Variants in SPRED2 observed in about 807,000 individuals in gnomAD.
SPRED2 encodes the protein sprouty related EVH1 domain containing 2, also known as sprouty-related, EVH1 domain-containing protein 2.
Under a neutral mutation model 43.0 loss-of-function variants are expected in SPRED2, and 47 were observed. That is an observed-to-expected ratio of 1.09 (90% CI 0.87 to 1.40). SPRED2 has a LOEUF of 1.40. Among genes scored for constraint, SPRED2 ranks in the 40% most tolerant of loss-of-function variants. SPRED2 has a pLI of 0.00. For missense variants in SPRED2, 561 were observed against 586.4 expected, an observed-to-expected ratio of 0.96 and a Z score of 0.45; for synonymous variants, 225 against 225.7, an observed-to-expected ratio of 1.00 and a Z score of 0.03.
intron 1 of SPRED2, among the ~76,000 whole-genome samples, chr2:65,425,095 A>T (rs1410616100): frequency 1.3e-5 from 2 of 152,248 alleles, no homozygotes; most frequent in African/African-American, 4.8e-5. Context: ...AGGAATAAAT[A>T]ATGAAAATGA....
intron 1 of SPRED2, chr2:65,366,821 TCATTACTCA>T: frequency 8.1e-7 from 1 of 1,236,848 alleles, no homozygotes; most frequent in Non-Finnish European, 1.0e-6. Context: ...GCCTGTTGTG[TCATTACTCA>T]CATTCAACAT....
chr2:65,353,906 T>C (rs1317898149), intron 1 of SPRED2, among the ~76,000 whole-genome samples: 1 of 149,550 alleles, frequency 6.7e-6, no homozygotes, highest in Non-Finnish European at 1.5e-5. Context: ...GCAGACATCC[T>C]TGGGAGTGGA....
chr2:65,355,763 T>G (rs1312209801), intron 1 of SPRED2, among the ~76,000 whole-genome samples: 2 of 152,102 alleles, frequency 1.3e-5, no homozygotes, highest in Non-Finnish European at 2.9e-5. Context: ...ACTTCTGGAG[T>G]TCATAATTAA....
In SPRED2 at chr2:65,334,752, T is replaced by C. The variant is rs1434206180; in HGVS notation, c.226A>G (p.Arg76Gly). 8.1e-6 allele frequency: 13 copies of C among 1,614,230 alleles called. No individual in the cohort carries two copies. Among genetic ancestry groups the C allele is most frequent in the Non-Finnish European group, 8.5e-6 (10 of 1,180,042 alleles). Residue 76 changes from arginine (R) to glycine (G), a missense_variant, in exon 3 of 6, where the codon AGA becomes GGA. Transcript: ENST00000356388. ...GCTTTGGTGTAGACCAAGTCCTTTC[T>C]TACATAGCATTCCAATACCACCTGA... is the stretch of plus-strand genomic sequence containing the variant. ...DKLVVLECYV[R>G]KDLVYTKANP... is the part of the protein sequence containing the mutation.
At chr2:65,418,913 A>G (rs1051258631) in intron 1 of SPRED2, among the ~76,000 whole-genome samples, 2 of 152,156 alleles carry the variant, frequency 1.3e-5, no homozygotes, top group Non-Finnish European at 2.9e-5. Flanking sequence ...ATAAGTAAGA[A>G]TAAAAGTCTT....
At chr2:65,347,100 C>G (rs190429023) in intron 1 of SPRED2, among the ~76,000 whole-genome samples, 1 of 152,120 alleles carries the variant, frequency 6.6e-6, no homozygotes, top group Non-Finnish European at 1.5e-5. Flanking sequence ...CCGACCACCT[C>G]GTAAGTTTGC....
intron 1 of SPRED2, among the ~76,000 whole-genome samples, chr2:65,384,409 G>C (rs1675443927): frequency 1.3e-5 from 2 of 152,144 alleles, no homozygotes; most frequent in Non-Finnish European, 2.9e-5. Flanking sequence ...CATCTCCATA[G>C]GCAGGACCAG....
chr2:65,321,895 C>A (rs1470296628), intron 4 of SPRED2, among the ~76,000 whole-genome samples: 3 of 152,212 alleles, frequency 2.0e-5, no homozygotes, highest in East Asian at 1.9e-4. Context: ...GCCTCAGCCT[C>A]CCGAGTGGCT....
chr2:65,354,030 G>C (rs1674579426), intron 1 of SPRED2, among the ~76,000 whole-genome samples: 1 of 152,156 alleles, frequency 6.6e-6, no homozygotes, highest in Non-Finnish European at 1.5e-5. Flanking sequence ...CCAAAAAAAA[G>C]GAAATGAAGC....
chr2:65,403,589 A>G (rs1315444440), intron 1 of SPRED2, among the ~76,000 whole-genome samples: 1 of 152,212 alleles, frequency 6.6e-6, no homozygotes, highest in Non-Finnish European at 1.5e-5. Flanking sequence ...TTTACGACAC[A>G]AAGAAATCCT....
intron 1 of SPRED2, among the ~76,000 whole-genome samples, chr2:65,363,112 T>C (rs1159941328): frequency 7.0e-6 from 1 of 143,516 alleles, no homozygotes; most frequent in East Asian, 2.1e-4. Flanking sequence ...TGGTGGCACA[T>C]GCCTGTAATC....
intron 1 of SPRED2, among the ~76,000 whole-genome samples, chr2:65,381,426 T>C (rs1177482482): frequency 2.0e-5 from 3 of 152,248 alleles, no homozygotes; most frequent in Non-Finnish European, 2.9e-5. Flanking sequence ...AATTTCTAGC[T>C]TGGTCAACTT....
chr2:65,395,664 A>T (rs906456392), intron 1 of SPRED2, among the ~76,000 whole-genome samples: 1 of 152,224 alleles, frequency 6.6e-6, no homozygotes, highest in Non-Finnish European at 1.5e-5. Flanking sequence ...TATGGGTAGA[A>T]GTGGGCATCA....
At chr2:65,417,814 G>C (rs1046465690) in intron 1 of SPRED2, among the ~76,000 whole-genome samples, 1 of 152,200 alleles carries the variant, frequency 6.6e-6, no homozygotes, top group South Asian at 2.1e-4. Flanking sequence ...AGTTCTAAAA[G>C]GTTATGGTCA....
intron 1 of SPRED2, among the ~76,000 whole-genome samples, chr2:65,427,717 C>T (rs991824811): frequency 3.3e-5 from 5 of 152,200 alleles, no homozygotes; most frequent in Admixed American, 6.5e-5. Flanking sequence ...AAAATGATGG[C>T]AATGACAGAT....
intron 1 of SPRED2, among the ~76,000 whole-genome samples, chr2:65,363,240 A>AG (rs1674878091): frequency 6.3e-5 from 1 of 15,954 alleles, no homozygotes; most frequent in South Asian, 3.4e-3. Context: ...ACTCCGTCTC[A>AG]AAAAAAAAAA....
chr2:65,380,455 C>G (rs538868217), intron 1 of SPRED2, among the ~76,000 whole-genome samples: 2 of 152,078 alleles, frequency 1.3e-5, no homozygotes, highest in East Asian at 3.9e-4. Flanking sequence ...TATGGAACTG[C>G]CTTCGAGGCT....
chr2:65,332,043 T>C lies in SPRED2; in HGVS notation c.382A>G (p.Thr128Ala), dbSNP rs1673828406. ...TCATTATGGATGGTGGAAGATGACG[T>C]TGTTGAACCTAAAAAGACAAAAATG... ...AIEDLIEGST[T>A]SSSTIHNEAE... The change falls in exon 4 of 6, where the codon ACG becomes GCG. Residue 128 changes from threonine (T) to alanine (A), a missense_variant. Around this residue, in one of 6 missense-constraint regions of SPRED2, gnomAD observed 305 missense variants for 282.4 expected, o/e 1.08. Coordinates refer to ENST00000356388, the MANE Select transcript of SPRED2 (RefSeq NM_181784.3). 5 of 1,606,712 alleles carry C rather than the reference T, an allele frequency of 3.1e-6. No homozygotes were observed. The highest frequency in any genetic ancestry group is 1.7e-4 in the Middle Eastern group (1 of 6,046).
intron 4 of SPRED2, among the ~76,000 whole-genome samples, chr2:65,319,081 C>T (rs111355962): frequency 4.6e-5 from 7 of 152,204 alleles, no homozygotes; most frequent in African/African-American, 1.4e-4. Context: ...AAAAAAAGCA[C>T]TACAAGAATT....
Sources: gnomAD v4.1 joint callset for allele counts (sites outside exome capture counted in the v4.1 genomes callset) on GRCh38, gnomAD v4.1.1 for gene constraint, gnomAD v4.1.1 regional missense constraint, MANE v1.5 for transcripts, NCBI Gene and HGNC (gene_info 2026-07-23, HGNC 2026-07-21) for gene names.